ACSBG1: variants seen among roughly 807,000 people sequenced by gnomAD.
The protein encoded by ACSBG1 is long-chain-fatty-acid--CoA ligase ACSBG1.
ACSBG1 carries 39 observed loss-of-function variants against 80.2 expected under a neutral mutation model. That is an observed-to-expected ratio of 0.49 (90% CI 0.38 to 0.64). The LOEUF is 0.64. Ranked by LOEUF, ACSBG1 falls within the 30% of genes least tolerant of loss-of-function variation. The probability of loss-of-function intolerance (pLI) is 0.00; values close to 1 mark genes in which losing one functional copy is unlikely to be tolerated. For synonymous variants in ACSBG1, 392 were observed against 379.5 expected (o/e 1.03, Z -0.38); for missense variants, 828 against 966.4 (o/e 0.86, Z 1.90).
intron 2 of ACSBG1, 85 bp downstream of exon 2, chr15:78,207,917 T>TCCCCCACCCCACCCCCCCCC: frequency 1.1e-6 from 1 of 876,066 alleles, no homozygotes. Context: ...TGTGTGGTGG[T>TCCCCCACCCCACCCCCCCCC]CCCCCACACC....
intron 2 of ACSBG1, among the ~76,000 whole-genome samples, chr15:78,197,662 T>A (rs1273845891): frequency 1.4e-5 from 2 of 141,224 alleles, no homozygotes; most frequent in Admixed American, 1.6e-4. Flanking sequence ...GAGGTTGCAG[T>A]GAGCTGAGAT....
chr15:78,195,042 T>C (rs1435819653), intron 2 of ACSBG1, among the ~76,000 whole-genome samples: 1 of 152,214 alleles, frequency 6.6e-6, no homozygotes, highest in Non-Finnish European at 1.5e-5. Flanking sequence ...CCTCCCAAGG[T>C]TGGGCAGTGG....
In ACSBG1 at chr15:78,195,607, G is replaced by A. The variant is rs1231509986; in HGVS notation, c.233-881C>T. 3.9e-5 allele frequency among the ~76,000 whole-genome samples: 6 copies of A among 152,256 alleles called. No individual in the cohort carries two copies. The Middle Eastern group carries it at 0.01, about 259-fold the overall frequency. ...ACTCAGTTCTCAGGGTGGACATGAG[G>A]ATCAAGAGAAAGGGTGTATATGAAG... On this transcript the variant is annotated intron_variant, in intron 2 of 13. Transcript: ENST00000258873.
At chr15:78,232,543 TGAGCCCCACTTG>T (rs1422249751) in intron 1 of ACSBG1, among the ~76,000 whole-genome samples, 1 of 152,192 alleles carries the variant, frequency 6.6e-6, no homozygotes, top group African/African-American at 2.4e-5. Context: ...CCTGTGGCCC[TGAGCCCCACTTG>T]GCCCCTCACT....
chr15:78,210,200 GGTGGACC>G (rs745669158), intron 1 of ACSBG1, among the ~76,000 whole-genome samples: 1 of 152,146 alleles, frequency 6.6e-6, no homozygotes, highest in Non-Finnish European at 1.5e-5. Flanking sequence ...TCAATGAGAG[GGTGGACC>G]GTGGCCCTCT....
chr15:78,204,744 G>C (rs1332805438), intron 2 of ACSBG1, among the ~76,000 whole-genome samples: 1 of 152,162 alleles, frequency 6.6e-6, no homozygotes. Context: ...CTGTCCCAAC[G>C]GCCTCCTCCT....
chr15:78,225,633 G>A (rs564676163), intron 1 of ACSBG1, among the ~76,000 whole-genome samples: 42 of 151,820 alleles, frequency 2.8e-4, no homozygotes, highest in Middle Eastern at 3.4e-3. Flanking sequence ...GAAATATAGA[G>A]TCAATTTACT....
intron 2 of ACSBG1, 70 bp downstream of exon 2, chr15:78,207,932 A>ACCCC: frequency 3.8e-6 from 1 of 264,822 alleles, no homozygotes; most frequent in Non-Finnish European, 7.6e-6. Flanking sequence ...CACACCACCC[A>ACCCC]CCCCTCCAGC....
rs376245029 is a variant in ACSBG1, at chr15:78,224,409, A to C, written c.131+9962T>G. On this transcript the variant is annotated intron_variant, in intron 1 of 13. Transcript: ENST00000258873. ...AGATAACTAGAACACCTTCACTACA[A>C]AAAATGCTGTAGAAATTTATTCAAG... is the stretch of plus-strand genomic sequence containing the variant. 5.3e-5 allele frequency among the ~76,000 whole-genome samples: 8 copies of C among 152,184 alleles called. No individual in the cohort carries two copies. In the East Asian group the frequency reaches 7.7e-4, roughly 15 times the overall value.
intron 2 of ACSBG1, among the ~76,000 whole-genome samples, chr15:78,203,435 C>T (rs548501419): frequency 6.6e-6 from 1 of 152,390 alleles, no homozygotes; most frequent in Admixed American, 6.5e-5. Flanking sequence ...CACCAGCACA[C>T]TGCCCGCCCA....
At chr15:78,190,477 G>T (rs1448218765) in intron 5 of ACSBG1, among the ~76,000 whole-genome samples, 1 of 149,666 alleles carries the variant, frequency 6.7e-6, no homozygotes, top group East Asian at 2.0e-4. Context: ...AGGCTGAGGT[G>T]GGAGGATTGC....
At chr15:78,224,223 C>G (rs1369734627) in intron 1 of ACSBG1, among the ~76,000 whole-genome samples, 1 of 149,884 alleles carries the variant, frequency 6.7e-6, no homozygotes, top group Non-Finnish European at 1.5e-5. Flanking sequence ...ATGGCTGTTA[C>G]CCTGGCTGAC....
intron 5 of ACSBG1, among the ~76,000 whole-genome samples, chr15:78,190,067 G>T (rs529649542): frequency 6.6e-6 from 1 of 152,152 alleles, no homozygotes; most frequent in South Asian, 2.1e-4. Context: ...GCAAAAATGT[G>T]GGTAAATATG....
chr15:78,195,280 CTCATT>C (rs1258797188), intron 2 of ACSBG1, among the ~76,000 whole-genome samples: 19 of 152,210 alleles, frequency 1.2e-4, no homozygotes, highest in Non-Finnish European at 2.5e-4. Context: ...AATGAGGTGT[CTCATT>C]TAGTCTTCAC....
chr15:78,202,797 T>A (rs900912122), intron 2 of ACSBG1, among the ~76,000 whole-genome samples: 1 of 152,132 alleles, frequency 6.6e-6, no homozygotes, highest in Non-Finnish European at 1.5e-5. Flanking sequence ...GCAATCATAC[T>A]TTCTGGAAGT....
At chr15:78,207,681 C>G (rs117153209) in intron 2 of ACSBG1, 6 of 359,288 alleles carry the variant, frequency 1.7e-5, no homozygotes, top group Middle Eastern at 7.9e-4. Context: ...CCTCAGCAAC[C>G]CTTTGCTGGA....
intron 1 of ACSBG1, among the ~76,000 whole-genome samples, chr15:78,233,110 GGGTGA>G (rs2075461668): frequency 6.6e-6 from 1 of 152,210 alleles, no homozygotes; most frequent in Non-Finnish European, 1.5e-5. Flanking sequence ...ATCTGCCCTT[GGGTGA>G]GGAAGTCAGT....
chr15:78,174,478 G>C lies in ACSBG1; in HGVS notation c.1749C>G (p.Ile583Met). 1.9e-6 allele frequency: 3 copies of C among 1,614,170 alleles called. No homozygotes were observed. The highest frequency in any genetic ancestry group is 2.5e-6 in the Non-Finnish European group (3 of 1,180,030). ...GCAGCTCCATCTTCACGGCCTCCTC[G>C]ATGGGCACAGGGGGCACATTCTCCC... is the stretch of plus-strand genomic sequence containing the variant. The part of the protein sequence containing the change: ...AGGENVPPVP[I>M]EEAVKMELPI... Residue 583 changes from isoleucine to methionine, a missense_variant, in exon 12 of 14, where the codon ATC (isoleucine) becomes ATG (methionine). Ile to Met is a conservative substitution (Grantham distance 10). Coordinates refer to ENST00000258873, the MANE Select transcript of ACSBG1 (RefSeq NM_015162.5).
At position 78,178,443 on chromosome 15, in the gene ACSBG1, T is replaced by C. The variant is rs535512069; in HGVS notation, c.1702+171A>G. On this transcript the variant is annotated intron_variant, in intron 11 of 13. Coordinates refer to ENST00000258873, the MANE Select transcript of ACSBG1 (RefSeq NM_015162.5). This position sits in a 1 kb window ranked among gnomAD's most constrained non-coding sequence, Gnocchi z 4.3. ...CCTCCCGAATAGCTGGGATTACAGG[T>C]GCATGCCACCACGCCCAGCTAATTT... Among the ~76,000 whole-genome samples, 1 of 152,084 alleles carries C rather than the reference T, an allele frequency of 6.6e-6. No homozygotes were observed. The highest frequency in any genetic ancestry group is 2.4e-5 in the African/African-American group (1 of 41,388).
Sources: allele counts gnomAD v4.1 joint callset (sites outside exome capture counted in the v4.1 genomes callset), GRCh38; gene constraint gnomAD v4.1.1; non-coding constraint Gnocchi (gnomAD v3.1); transcripts MANE v1.5; gene names NCBI Gene and HGNC (gene_info 2026-07-23, HGNC 2026-07-21).